The following SEL1L2 variants were observed in gnomAD, a reference collection of about 807,000 sequenced individuals.
SEL1L2 encodes protein sel-1 homolog 2.
SEL1L2 carries 89 observed loss-of-function variants against 98.8 expected under a neutral mutation model. The observed-to-expected ratio is 0.90, with a 90% CI of 0.76 to 1.07. SEL1L2 has a LOEUF of 1.07. Among genes scored for constraint, SEL1L2 ranks in the 50% least tolerant of loss-of-function variants. The probability of loss-of-function intolerance (pLI) is 0.00; values close to 1 mark genes in which losing one functional copy is unlikely to be tolerated. For synonymous variants in SEL1L2, 262 were observed against 278.5 expected (o/e 0.94, Z 0.59); for missense variants, 788 against 812.0 (o/e 0.97, Z 0.36).
At chr20:13,940,367 G>A (rs1444834287) in intron 2 of SEL1L2, among the ~76,000 whole-genome samples, 1 of 152,170 alleles carries the variant, frequency 6.6e-6, no homozygotes, top group Non-Finnish European at 1.5e-5. Context: ...CAGTAAGTAC[G>A]AATGCCCTAA....
At chr20:13,873,956 A>G (rs75969030) in intron 12 of SEL1L2, among the ~76,000 whole-genome samples, 3,020 of 152,250 alleles carry the variant, frequency 0.02, 49 homozygotes, top group Non-Finnish European at 0.03. Flanking sequence ...GCAGGAGTGA[A>G]CGCAGGGTAA....
chr20:13,861,192 T>G (rs1990076526), intron 17 of SEL1L2, among the ~76,000 whole-genome samples: 1 of 152,124 alleles, frequency 6.6e-6, no homozygotes, highest in Non-Finnish European at 1.5e-5. Context: ...TTATTTATTT[T>G]TGAGACAGGG....
chr20:13,988,331 C>T (rs892599992), intron 1 of SEL1L2, among the ~76,000 whole-genome samples: 3 of 152,100 alleles, frequency 2.0e-5, no homozygotes, highest in Non-Finnish European at 4.4e-5. Context: ...AACCATTGTG[C>T]CTAGCCTTTA....
At chr20:13,889,683 C>T (rs914846018) in intron 5 of SEL1L2, among the ~76,000 whole-genome samples, 59 of 151,832 alleles carry the variant, frequency 3.9e-4, no homozygotes, top group African/African-American at 1.2e-3. Context: ...CCCAGCTGCT[C>T]GGGAGGCTGA....
At chr20:13,944,710 G>C (rs1190419091) in intron 2 of SEL1L2, among the ~76,000 whole-genome samples, 1 of 152,222 alleles carries the variant, frequency 6.6e-6, no homozygotes, top group African/African-American at 2.4e-5. Context: ...TAGAGTTGAT[G>C]ATGGGTGGAT....
chr20:13,966,321 T>C (rs935631268), intron 1 of SEL1L2, among the ~76,000 whole-genome samples: 2 of 152,202 alleles, frequency 1.3e-5, no homozygotes, highest in African/African-American at 4.8e-5. Flanking sequence ...CTCTTCTTTC[T>C]TCTTTCTTAT....
intron 3 of SEL1L2, among the ~76,000 whole-genome samples, chr20:13,920,227 CAAAAAAAA>C (rs4052973): frequency 1.9e-5 from 2 of 103,156 alleles, no homozygotes; most frequent in African/African-American, 8.6e-5. Flanking sequence ...GACTCCGTCC[CAAAAAAAA>C]AAAAAAAAAA....
At chr20:13,936,720 C>T (rs1254263856) in intron 2 of SEL1L2, among the ~76,000 whole-genome samples, 4 of 152,182 alleles carry the variant, frequency 2.6e-5, no homozygotes, top group Non-Finnish European at 5.9e-5. Flanking sequence ...ACTCCAGTTT[C>T]CTGTTTAGCT....
rs749917346 is a variant in SEL1L2, at chr20:13,887,831, C to T, written c.683G>A (p.Gly228Glu). The change falls in exon 8 of 20, where the codon GGA becomes GAA. Residue 228 changes from glycine (G) to glutamate (E), a missense_variant. Physicochemically the swap from Gly to Glu is moderately conservative, Grantham distance 98 (BLOSUM62 -2). Coordinates refer to ENST00000284951, the MANE Select transcript of SEL1L2 (RefSeq NM_025229.2). ...TTCACAATTCTGTAGAACATTGATT[C>T]CCGACAAATATCTGTACCCCTAAAA... ...QMILGYRYLS[G>E]INVLQNCEVA... 99 of 1,613,370 alleles carry T rather than the reference C, an allele frequency of 6.1e-5. No homozygotes were observed. In the South Asian group the frequency reaches 1.1e-3, roughly 17 times the overall value.
At chr20:13,903,558 C>T (rs1302440566) in intron 5 of SEL1L2, among the ~76,000 whole-genome samples, 1 of 152,092 alleles carries the variant, frequency 6.6e-6, no homozygotes, top group African/African-American at 2.4e-5. Flanking sequence ...ACTGACTAGT[C>T]GAAGAAGTAT....
rs747925484 is a variant in SEL1L2, at chr20:13,887,959, T to A, written c.646A>T (p.Met216Leu). ...YTFGSAGGNM[M>L]SQMILGYRYL... ...TTACAAACCAAAATCATCTGGGACA[T>A]CATGTTTCCTCCAGCACTTCCAAAG... The change falls in exon 7 of 20, where the codon ATG becomes TTG. Residue 216 changes from methionine (M) to leucine (L), a missense_variant. Physicochemically the swap from Met to Leu is conservative, Grantham distance 15. Transcript: ENST00000284951. 5.6e-6 allele frequency: 9 copies of A among 1,613,662 alleles called. No homozygotes were observed. Among genetic ancestry groups the A allele is most frequent in the Admixed American group, 3.3e-5 (2 of 59,998 alleles).
At chr20:13,965,458 A>T (rs768101577) in intron 1 of SEL1L2, among the ~76,000 whole-genome samples, 2 of 152,226 alleles carry the variant, frequency 1.3e-5, no homozygotes, top group Admixed American at 1.3e-4. Flanking sequence ...AATTCTCCCA[A>T]TGGGATTTTT....
At chr20:13,933,698 C>T (rs886920182) in intron 2 of SEL1L2, among the ~76,000 whole-genome samples, 17 of 152,236 alleles carry the variant, frequency 1.1e-4, no homozygotes, top group East Asian at 1.9e-4. Context: ...CTTCAACATG[C>T]GGATTCCAAG....
At chr20:13,924,532 C>T (rs1037297826) in intron 3 of SEL1L2, among the ~76,000 whole-genome samples, 4 of 151,748 alleles carry the variant, frequency 2.6e-5, no homozygotes, top group African/African-American at 9.7e-5. Context: ...CTCAAGATAT[C>T]CTCCCACCTC....
chr20:13,919,183 A>G, intron 3 of SEL1L2, 60 bp from the exon 4 acceptor site: 2 of 1,043,236 alleles, frequency 1.9e-6, no homozygotes, highest in Non-Finnish European at 1.4e-6. Context: ...TATTTTAAAA[A>G]TAATGTGCTA....
intron 3 of SEL1L2, among the ~76,000 whole-genome samples, chr20:13,927,639 A>G (rs894657239): frequency 6.6e-6 from 1 of 152,190 alleles, no homozygotes; most frequent in African/African-American, 2.4e-5. Flanking sequence ...GTTAAATCCT[A>G]TTTCTCTTTT....
chr20:13,872,108 C>G (rs1232597581), intron 12 of SEL1L2, among the ~76,000 whole-genome samples: 1 of 152,192 alleles, frequency 6.6e-6, no homozygotes, highest in Non-Finnish European at 1.5e-5. Flanking sequence ...TGGTATAACT[C>G]TGCTCTCTTC....
chr20:13,954,485 C>T (rs369775200), intron 2 of SEL1L2, among the ~76,000 whole-genome samples: 4 of 152,196 alleles, frequency 2.6e-5, no homozygotes, highest in African/African-American at 7.2e-5. Flanking sequence ...AATCTACAAA[C>T]AGGCTACCCT....
At chr20:13,898,619 A>T (rs1318459738) in intron 5 of SEL1L2, among the ~76,000 whole-genome samples, 1 of 152,206 alleles carries the variant, frequency 6.6e-6, no homozygotes, top group Non-Finnish European at 1.5e-5. Flanking sequence ...TCATCAGGAC[A>T]ATTGTAGTAG....
Sources: gnomAD v4.1 joint callset for allele counts (sites outside exome capture counted in the v4.1 genomes callset) on GRCh38, gnomAD v4.1.1 for gene constraint, MANE v1.5 for transcripts, NCBI Gene and HGNC (gene_info 2026-07-23, HGNC 2026-07-21) for gene names.